Variants in PCDHA3 observed in about 807,000 individuals in gnomAD.
PCDHA3 encodes protocadherin alpha 3.
Under a neutral mutation model 62.2 loss-of-function variants are expected in PCDHA3, and 41 were observed. The observed-to-expected ratio is 0.66, with a 90% CI of 0.51 to 0.86. The LOEUF is 0.86. Among genes scored for constraint, PCDHA3 ranks in the 40% least tolerant of loss-of-function variants. PCDHA3 has a pLI of 0.00. For synonymous variants in PCDHA3, 640 were observed against 555.4 expected (o/e 1.15, Z -2.14); for missense variants, 1,304 against 1,241.2 (o/e 1.05, Z -0.76).
intron 1 of PCDHA3, chr5:140,966,963 G>C: frequency 6.2e-7 from 1 of 1,602,992 alleles, no homozygotes; most frequent in Non-Finnish European, 8.5e-7. Context: ...CGCGCGCTGG[G>C]GCTTGAGCTG....
At chr5:140,826,934 G>C (rs1192705662) in intron 1 of PCDHA3, among the ~76,000 whole-genome samples, 1 of 152,116 alleles carries the variant, frequency 6.6e-6, no homozygotes, top group East Asian at 1.9e-4. Flanking sequence ...GGACTTAGGT[G>C]GATGTGGAAT....
intron 1 of PCDHA3, among the ~76,000 whole-genome samples, chr5:140,917,639 C>T (rs151007423): frequency 1.6e-4 from 25 of 152,268 alleles, no homozygotes; most frequent in African/African-American, 5.8e-4. Flanking sequence ...AGCTAGTTAT[C>T]CCAGCAATAT....
intron 1 of PCDHA3, among the ~76,000 whole-genome samples, chr5:140,936,995 A>G (rs2091251299): frequency 6.6e-6 from 1 of 151,864 alleles, no homozygotes; most frequent in Non-Finnish European, 1.5e-5. Flanking sequence ...CATTGACAAT[A>G]TTGAGACAGA....
At chr5:140,982,439 G>T in intron 2 of PCDHA3, 36 bp from the exon 3 acceptor site, 1 of 1,613,560 alleles carries the variant, frequency 6.2e-7, no homozygotes, top group Non-Finnish European at 8.5e-7. Context: ...AAGAATTTAT[G>T]ATCTAACCGT....
chr5:140,842,051 C>G (rs2150328197), intron 1 of PCDHA3: 4 of 1,613,852 alleles, frequency 2.5e-6, no homozygotes, highest in Non-Finnish European at 3.4e-6. Flanking sequence ...CACTTTCGAA[C>G]AGTCTGAATA....
intron 1 of PCDHA3, chr5:140,841,833 G>C: frequency 6.2e-7 from 1 of 1,613,938 alleles, no homozygotes; most frequent in Non-Finnish European, 8.5e-7. Flanking sequence ...TTAACCTACA[G>C]GCTTAGCTCT....
intron 1 of PCDHA3, chr5:140,929,773 G>A (rs554286771): frequency 5.8e-6 from 1 of 173,032 alleles, no homozygotes; most frequent in East Asian, 1.8e-4. Context: ...AACCACAAAA[G>A]ATGTAAAAAT....
In PCDHA3 at chr5:140,831,742, T is replaced by C. The variant is rs1341664447; in HGVS notation, c.2394+28151T>C. On this transcript the variant is annotated intron_variant, in intron 1 of 3. Coordinates refer to ENST00000522353, the MANE Select transcript of PCDHA3 (RefSeq NM_018906.3). ...TTGGTGTTATCCTCCCTTGCCTAAATTTCATCGCTACCAATTTTGTTTTGT... is the reference window on the plus strand; with the variant it reads ...TTGGTGTTATCCTCCCTTGCCTAAACTTCATCGCTACCAATTTTGTTTTGT... Among the ~76,000 whole-genome samples, 7 of 152,216 alleles carry C rather than the reference T, an allele frequency of 4.6e-5. No individual in the cohort carries two copies. In the South Asian group the frequency reaches 1.5e-3, roughly 32 times the overall value.
chr5:140,828,469 T>C, intron 1 of PCDHA3: 1 of 1,614,142 alleles, frequency 6.2e-7, no homozygotes, highest in Non-Finnish European at 8.5e-7. Flanking sequence ...TGAGGGACAT[T>C]AACGACAACC....
chr5:140,925,108 G>GGAAGGAAGGAAGGAAGGAA (rs1554202548), intron 1 of PCDHA3, among the ~76,000 whole-genome samples: 8 of 124,780 alleles, frequency 6.4e-5, no homozygotes, highest in South Asian at 4.6e-4. Context: ...GAAGGAAGGA[G>GGAAGGAAGGAAGGAAGGAA]GGAAGGAAGG....
chr5:140,863,334 G>T (rs782071935), intron 1 of PCDHA3: 24 of 1,387,574 alleles, frequency 1.7e-5, no homozygotes, highest in South Asian at 5.7e-5. Flanking sequence ...TAGTGCTCAC[G>T]TTGCTGCTGT....
In PCDHA3 at chr5:140,850,045, T is replaced by C. The variant is rs2150464931; in HGVS notation, c.2394+46454T>C. 3.1e-6 allele frequency: 5 copies of C among 1,596,208 alleles called. No homozygotes were observed. In the African/African-American group the frequency reaches 5.4e-5, roughly 17 times the overall value. On this transcript the variant is annotated intron_variant, in intron 1 of 3. Coordinates refer to ENST00000522353, the MANE Select transcript of PCDHA3 (RefSeq NM_018906.3). Reference sequence around the variant, plus strand: ...TCAGTGCACGCGGAGAGCGGCAAGGTGTACGCGCTGCAGCCGTTGGACCAC... The same window carrying C: ...TCAGTGCACGCGGAGAGCGGCAAGGCGTACGCGCTGCAGCCGTTGGACCAC...
At chr5:140,927,259 C>G (rs1262444613) in intron 1 of PCDHA3, 5 of 1,614,042 alleles carry the variant, frequency 3.1e-6, no homozygotes, top group Non-Finnish European at 3.4e-6. Flanking sequence ...CAACTCACCT[C>G]TCTTTCCTGC....
Position 140,929,271 on chromosome 5 carries a change from A to G in PCDHA3, c.2395-49678A>G, listed in dbSNP as rs782266407. 9.9e-6 allele frequency: 16 copies of G among 1,610,716 alleles called. No individual in the cohort carries two copies. In the Admixed American group the frequency reaches 2.7e-4, roughly 27 times the overall value. On this transcript the variant is annotated intron_variant, in intron 1 of 3. Transcript: ENST00000522353. ...CTGGGGTAGGACTGAATTTGCCAAT[A>G]TCCTGTATTCAGATTCGGAATAGGA...
intron 1 of PCDHA3, chr5:140,871,085 CG>C: frequency 6.2e-7 from 1 of 1,613,246 alleles, no homozygotes. Context: ...CTGACGGCCA[CG>C]GCCACCGTGC....
chr5:140,803,258 G>A lies in PCDHA3; in HGVS notation c.2061G>A (p.Thr687=), dbSNP rs782014177. 3 of 1,613,910 alleles carry A rather than the reference G, an allele frequency of 1.9e-6. No homozygotes were observed. Among genetic ancestry groups the A allele is most frequent in the Non-Finnish European group, 1.7e-6 (2 of 1,179,946 alleles). The change falls in exon 1 of 4, where the codon ACG becomes ACA. Residue 687 remains threonine (T), a synonymous_variant. Transcript: ENST00000522353. The part of the protein sequence containing the change: ...KASSQASAGA[T]GPEAALVDVN... ...CGTCCCAGGCGTCCGCTGGCGCCAC[G>A]GGCCCGGAAGCTGCACTGGTGGATG...
chr5:140,841,793 T>G (rs1777495976), intron 1 of PCDHA3: 1 of 1,613,848 alleles, frequency 6.2e-7, no homozygotes. Flanking sequence ...AGAGGGCGCG[T>G]CCGATGCAGA....
chr5:140,966,974 C>A, intron 1 of PCDHA3: 1 of 1,602,874 alleles, frequency 6.2e-7, no homozygotes, highest in Non-Finnish European at 8.5e-7. Context: ...GCTTGAGCTG[C>A]GGCGCTTGGG....
chr5:140,999,885 G>A (rs1250861955), intron 3 of PCDHA3, among the ~76,000 whole-genome samples: 1 of 152,200 alleles, frequency 6.6e-6, no homozygotes, highest in Non-Finnish European at 1.5e-5. Context: ...TAGCCCAGCT[G>A]TAGCTTGGGA....
Sources: gnomAD v4.1 joint callset for allele counts (sites outside exome capture counted in the v4.1 genomes callset) on GRCh38, gnomAD v4.1.1 for gene constraint, MANE v1.5 for transcripts, NCBI Gene and HGNC (gene_info 2026-07-23, HGNC 2026-07-21) for gene names.